LRIF1: variants seen among roughly 807,000 people sequenced by gnomAD.
LRIF1 encodes the protein ligand-dependent nuclear receptor-interacting factor 1.
Under a neutral mutation model 52.7 loss-of-function variants are expected in LRIF1, and 32 were observed. That is an observed-to-expected ratio of 0.61 (90% CI 0.46 to 0.82). LRIF1 has a LOEUF of 0.82. Ranked by LOEUF, LRIF1 falls within the 40% of genes least tolerant of loss-of-function variation. The pLI, the probability that LRIF1 is intolerant of heterozygous loss-of-function variation, is 0.00. For missense variants in LRIF1, 887 were observed against 892.0 expected, an observed-to-expected ratio of 0.99 and a Z score of 0.07; for synonymous variants, 323 against 317.4, an observed-to-expected ratio of 1.02 and a Z score of -0.19.
chr1:110,895,676 A>G, the LRIF1 span, among the ~76,000 whole-genome samples: 1 of 152,218 alleles, frequency 6.6e-6, no homozygotes. Flanking sequence ...TGGGGAAGTC[A>G]CTTAACTTAT....
chr1:110,895,121 G>T, the LRIF1 span: 1 of 1,176,438 alleles, frequency 8.5e-7, no homozygotes, highest in Non-Finnish European at 1.3e-6. Context: ...ATCCTTGGGG[G>T]CTAGTTCCTT....
chr1:110,876,482 C>A, the LRIF1 span, among the ~76,000 whole-genome samples: 2 of 152,096 alleles, frequency 1.3e-5, no homozygotes, highest in Non-Finnish European at 1.5e-5. Flanking sequence ...ATTTTCCAAA[C>A]CTTTTTGTTT....
the LRIF1 span, among the ~76,000 whole-genome samples, chr1:110,918,218 C>G: frequency 6.6e-6 from 1 of 152,146 alleles, no homozygotes; most frequent in East Asian, 1.9e-4. Context: ...AGGTGCCGAA[C>G]ATTCCCTTTG....
At chr1:110,948,806 T>A (rs1658327787) in intron 3 of LRIF1, among the ~76,000 whole-genome samples, 2 of 152,232 alleles carry the variant, frequency 1.3e-5, no homozygotes, top group South Asian at 4.1e-4. Context: ...TACATGATAA[T>A]GACATACTCA....
the LRIF1 span, among the ~76,000 whole-genome samples, chr1:110,878,906 C>T: frequency 2.0e-5 from 3 of 152,170 alleles, no homozygotes; most frequent in Non-Finnish European, 4.4e-5. Flanking sequence ...GGAAGTCTTA[C>T]AGAAACTGTA....
Position 110,951,733 on chromosome 1 carries a change from G to C in LRIF1, c.1151C>G (p.Ser384Cys). Residue 384 changes from serine (S) to cysteine (C), a missense_variant, in exon 2 of 4, where the codon TCT (serine) becomes TGT (cysteine). Physicochemically the swap from Ser to Cys is moderately radical, Grantham distance 112 (BLOSUM62 -1). Transcript: ENST00000369763. ...VLPSQIDQQN[S>C]VSPDTPVRKD... ...TCTTACTGGAGTATCAGGAGAAACAGAATTCTGTTGGTCAATTTGTGATGG... is the reference window on the plus strand; with the variant it reads ...TCTTACTGGAGTATCAGGAGAAACACAATTCTGTTGGTCAATTTGTGATGG... 6.2e-7 allele frequency: 1 copy of C among 1,613,730 alleles called. No individual in the cohort carries two copies. Among genetic ancestry groups the C allele is most frequent in the South Asian group, 1.1e-5 (1 of 91,080 alleles).
the LRIF1 span, among the ~76,000 whole-genome samples, chr1:110,889,276 G>T: frequency 2.6e-5 from 4 of 152,136 alleles, no homozygotes; most frequent in East Asian, 5.8e-4. Context: ...TCAATAATTG[G>T]CCGGGTGTGG....
At chr1:110,889,657 A>G in the LRIF1 span, among the ~76,000 whole-genome samples, 12 of 152,256 alleles carry the variant, frequency 7.9e-5, no homozygotes, top group Middle Eastern at 6.8e-3. Flanking sequence ...GTGTGATAAG[A>G]TCATTTAATA....
the LRIF1 span, chr1:110,899,301 C>A: frequency 1.3e-6 from 1 of 781,072 alleles, no homozygotes; most frequent in Non-Finnish European, 2.1e-6. Flanking sequence ...CTCCTCCCAT[C>A]CTTTCCCTTT....
chr1:110,951,907 T>C lies in LRIF1; in HGVS notation c.977A>G (p.Asn326Ser), dbSNP rs761402374. Residue 326 changes from asparagine to serine, a missense_variant, in exon 2 of 4, where the codon AAT (asparagine) becomes AGT (serine). Asn to Ser is a conservative substitution (Grantham distance 46). Transcript: ENST00000369763. Reference protein sequence around the residue: ...KILKTFVDRKNLGDNTINMPP... With the variant: ...KILKTFVDRKSLGDNTINMPP... ...CATATTTATAGTATTATCTCCCAAATTTTTCCTATCTACAAAAGTTTTTAA... is the reference window on the plus strand; with the variant it reads ...CATATTTATAGTATTATCTCCCAAACTTTTCCTATCTACAAAAGTTTTTAA... The C allele has an allele frequency of 5.1e-5, 82 of 1,613,946 alleles. No homozygotes were observed. The East Asian group carries it at 8.2e-4, about 16-fold the overall frequency.
intron 1 of LRIF1, 140 bp from the exon 2 acceptor site, chr1:110,952,955 G>C: frequency 2.6e-6 from 1 of 380,450 alleles, no homozygotes; most frequent in Non-Finnish European, 4.2e-6. Flanking sequence ...GTGAAAGACT[G>C]CAAAACAAAT....
chr1:110,878,284 G>A, the LRIF1 span, among the ~76,000 whole-genome samples: 8 of 152,274 alleles, frequency 5.3e-5, no homozygotes, highest in East Asian at 1.9e-4. Flanking sequence ...GCAGATTTTC[G>A]CTCCTATTTA....
the LRIF1 span, among the ~76,000 whole-genome samples, chr1:110,903,565 G>A: frequency 6.6e-6 from 1 of 152,138 alleles, no homozygotes; most frequent in South Asian, 2.1e-4. Flanking sequence ...ACCCAGTCCT[G>A]GCAACATTCA....
the LRIF1 span, among the ~76,000 whole-genome samples, chr1:110,922,080 T>C: frequency 3.3e-5 from 5 of 152,184 alleles, no homozygotes; most frequent in Non-Finnish European, 7.4e-5. Context: ...TGGTATTTGG[T>C]TTTGAGTTCC....
At chr1:110,900,750 C>CA in the LRIF1 span, among the ~76,000 whole-genome samples, 964 of 112,406 alleles carry the variant, frequency 8.6e-3, 10 homozygotes, top group East Asian at 0.041. Flanking sequence ...AGCTCACACT[C>CA]AAAAAAAAAA....
In LRIF1 at chr1:110,952,124, C is replaced by T; in HGVS notation, c.760G>A (p.Val254Ile). ...KNFQNIYPKP[V>I]TEIAKPVILN... The stretch of plus-strand genomic sequence containing the variant: ...ATTACTGGCTTTGCTATTTCTGTAA[C>T]AGGTTTTGGGTAAATGTTTTGAAAG... Residue 254 changes from valine (V) to isoleucine (I), a missense_variant, in exon 2 of 4, where the codon GTT becomes ATT. By Grantham distance (29) the Val-to-Ile change is conservative (BLOSUM62 3). Transcript: ENST00000369763. 5 of 1,614,072 alleles carry T rather than the reference C, an allele frequency of 3.1e-6. No individual in the cohort carries two copies. Among genetic ancestry groups the T allele is most frequent in the Non-Finnish European group, 4.2e-6 (5 of 1,180,006 alleles).
At chr1:110,891,389 T>C in the LRIF1 span, 1 of 1,604,462 alleles carries the variant, frequency 6.2e-7, no homozygotes. Context: ...CCTTATTCCT[T>C]AGGGCAAGAA....
the LRIF1 span, among the ~76,000 whole-genome samples, chr1:110,917,546 A>T: frequency 6.6e-6 from 1 of 152,150 alleles, no homozygotes; most frequent in Non-Finnish European, 1.5e-5. Flanking sequence ...TATTTACTCA[A>T]AGTTTATGAT....
At chr1:110,907,959 AT>A in the LRIF1 span, among the ~76,000 whole-genome samples, 2 of 152,162 alleles carry the variant, frequency 1.3e-5, no homozygotes, top group Non-Finnish European at 2.9e-5. Flanking sequence ...ACTGAATACA[AT>A]TTGCCTTTAC....
Sources: allele counts gnomAD v4.1 joint callset (sites outside exome capture counted in the v4.1 genomes callset), GRCh38; gene constraint gnomAD v4.1.1; transcripts MANE v1.5; gene names NCBI Gene and HGNC (gene_info 2026-07-23, HGNC 2026-07-21).